The following EIF4G3 variants were observed in gnomAD, a reference collection of about 807,000 sequenced individuals.
The protein encoded by EIF4G3 is eukaryotic translation initiation factor 4 gamma 3.
EIF4G3 carries 34 observed loss-of-function variants against 186.4 expected under a neutral mutation model. The ratio of observed to expected loss-of-function variants is 0.18; its 90% confidence interval spans 0.14 to 0.24. The LOEUF is 0.24. EIF4G3 is among the 10% of genes least tolerant of loss of function. The pLI is 1.00. For synonymous variants in EIF4G3, 673 were observed against 679.5 expected, an observed-to-expected ratio of 0.99 and a Z score of 0.15; for missense variants, 1,536 against 1,948.5, an observed-to-expected ratio of 0.79 and a Z score of 3.99.
chr1:20,931,282 A>C (rs912540594), intron 14 of EIF4G3, among the ~76,000 whole-genome samples: 50 of 152,174 alleles, frequency 3.3e-4, no homozygotes, highest in Non-Finnish European at 5.6e-4. Context: ...ACAAGGCTTG[A>C]AAGTCAAAAT....
chr1:21,144,599 T>C (rs1230584490), intron 2 of EIF4G3, among the ~76,000 whole-genome samples: 2 of 152,050 alleles, frequency 1.3e-5, no homozygotes, highest in African/African-American at 2.4e-5. Flanking sequence ...ACAGAACTCT[T>C]AAGAAATAAA....
chr1:20,997,474 A>G, intron 7 of EIF4G3, 127 bp downstream of exon 7: 1 of 936,322 alleles, frequency 1.1e-6, no homozygotes, highest in Non-Finnish European at 1.7e-6. Context: ...ATTATATCAG[A>G]TAAAAGCTAC....
Position 20,981,212 on chromosome 1 carries a change from G to C in EIF4G3, c.214C>G (p.Gln72Glu). ...FRPIQFFQRP[Q>E]IQPPRATIPN... Reference sequence around the variant, plus strand: ...ATGGTAGCTCTAGGAGGCTGTATTTGAGGCCTCTGGAAAAACTGGGAAGGG... The same window carrying C: ...ATGGTAGCTCTAGGAGGCTGTATTTCAGGCCTCTGGAAAAACTGGGAAGGG... The change falls in exon 9 of 37, where the codon CAA (glutamine) becomes GAA (glutamate). Residue 72 changes from glutamine (Q) to glutamate (E), a missense_variant. Physicochemically the swap from Gln to Glu is conservative, Grantham distance 29. Coordinates refer to ENST00000602326, the MANE Select transcript of EIF4G3 (RefSeq NM_001391906.1). 1 of 1,597,712 alleles carries C rather than the reference G, an allele frequency of 6.3e-7. No individual in the cohort carries two copies. Among genetic ancestry groups the C allele is most frequent in the Non-Finnish European group, 8.5e-7 (1 of 1,172,446 alleles).
chr1:20,887,390 T>TA (rs1271684632), intron 18 of EIF4G3, among the ~76,000 whole-genome samples: 1 of 152,170 alleles, frequency 6.6e-6, no homozygotes, highest in Non-Finnish European at 1.5e-5. Flanking sequence ...TAGACTTTAA[T>TA]GTCATTCATT....
intron 3 of EIF4G3, among the ~76,000 whole-genome samples, chr1:21,077,773 A>G (rs2095632695): frequency 6.6e-6 from 1 of 151,110 alleles, no homozygotes; most frequent in Non-Finnish European, 1.5e-5. Context: ...CCAGATACTC[A>G]GGAGGCTGTG....
At chr1:21,011,514 T>C (rs1310552518) in intron 4 of EIF4G3, among the ~76,000 whole-genome samples, 1 of 152,218 alleles carries the variant, frequency 6.6e-6, no homozygotes, top group African/African-American at 2.4e-5. Context: ...TGAGTTTCAC[T>C]ACAGATGCAT....
intron 19 of EIF4G3, 81 bp from the exon 20 acceptor site, chr1:20,879,601 T>C: frequency 2.3e-6 from 2 of 864,518 alleles, no homozygotes; most frequent in South Asian, 3.7e-5. Context: ...ATTTTAAAAA[T>C]AATATATAAG....
intron 32 of EIF4G3, 51 bp from the exon 33 acceptor site, chr1:20,825,249 CAG>C: frequency 3.4e-4 from 72 of 213,630 alleles, no homozygotes; most frequent in South Asian, 1.5e-3. Flanking sequence ...GAAGAAGAAA[CAG>C]AAAAAAAAAA....
chr1:20,911,083 T>G (rs1476458103), intron 14 of EIF4G3, among the ~76,000 whole-genome samples: 2 of 152,066 alleles, frequency 1.3e-5, no homozygotes, highest in Non-Finnish European at 2.9e-5. Flanking sequence ...GATTGTAGGA[T>G]AGATTGCTCT....
At chr1:20,923,503 A>C (rs968050960) in intron 14 of EIF4G3, among the ~76,000 whole-genome samples, 12 of 152,342 alleles carry the variant, frequency 7.9e-5, no homozygotes, top group East Asian at 3.9e-4. Flanking sequence ...GATGCAAAAA[A>C]GTCAATCACT....
At chr1:20,924,283 C>T (rs4654890) in intron 14 of EIF4G3, among the ~76,000 whole-genome samples, 143,651 of 152,234 alleles carry the variant, frequency 0.94, 68,320 homozygotes, top group Middle Eastern at 1. Flanking sequence ...GTTTGTTGAA[C>T]TGAATACTAA....
At chr1:20,825,935 T>C (rs1044097665) in intron 32 of EIF4G3, among the ~76,000 whole-genome samples, 1 of 152,216 alleles carries the variant, frequency 6.6e-6, no homozygotes, top group Non-Finnish European at 1.5e-5. Context: ...TGAAGAAAGT[T>C]ACAGTGACAA....
intron 19 of EIF4G3, 40 bp from the exon 20 acceptor site, chr1:20,879,560 T>A: frequency 8.2e-7 from 1 of 1,214,812 alleles, no homozygotes; most frequent in Non-Finnish European, 1.1e-6. Flanking sequence ...TTAGAGTAAC[T>A]GTGACAATAT....
intron 3 of EIF4G3, among the ~76,000 whole-genome samples, chr1:21,063,445 G>A (rs1210948810): frequency 6.6e-6 from 1 of 152,056 alleles, no homozygotes; most frequent in Non-Finnish European, 1.5e-5. Flanking sequence ...TTTGAACACT[G>A]TAAGAGTAAA....
At chr1:21,129,315 C>CA (rs11432023) in intron 2 of EIF4G3, among the ~76,000 whole-genome samples, 53,251 of 144,238 alleles carry the variant, frequency 0.37, 9,987 homozygotes, top group Non-Finnish European at 0.43. Flanking sequence ...AACTCTATCT[C>CA]AAAAAAAAAA....
chr1:21,048,820 G>T (rs2094042701), intron 4 of EIF4G3, among the ~76,000 whole-genome samples: 1 of 152,156 alleles, frequency 6.6e-6, no homozygotes, highest in Admixed American at 6.5e-5. Context: ...TCTTAGCCCA[G>T]GGTAGGGGTA....
chr1:20,924,339 AC>A (rs2094709543), intron 14 of EIF4G3, among the ~76,000 whole-genome samples: 1 of 152,200 alleles, frequency 6.6e-6, no homozygotes. Context: ...TCTAATGAAA[AC>A]ATCATGATAC....
intron 26 of EIF4G3, 55 bp downstream of exon 26, chr1:20,854,923 T>C: frequency 1.4e-6 from 2 of 1,466,644 alleles, no homozygotes; most frequent in Non-Finnish European, 1.9e-6. Flanking sequence ...GAATGCGCTG[T>C]AAGGCAAATG....
At chr1:21,101,982 A>G (rs2096536757) in intron 2 of EIF4G3, among the ~76,000 whole-genome samples, 1 of 152,166 alleles carries the variant, frequency 6.6e-6, no homozygotes, top group African/African-American at 2.4e-5. Context: ...GAAATCATAA[A>G]TTACAAATTA....
Sources: gnomAD v4.1 joint callset for allele counts (sites outside exome capture counted in the v4.1 genomes callset) on GRCh38, gnomAD v4.1.1 for gene constraint, MANE v1.5 for transcripts, NCBI Gene and HGNC (gene_info 2026-07-23, HGNC 2026-07-21) for gene names.